Variants in ATRNL1 observed in about 807,000 individuals in gnomAD.
ATRNL1 encodes attractin-like protein 1.
Under a neutral mutation model 182.7 loss-of-function variants are expected in ATRNL1, and 95 were observed. The ratio of observed to expected loss-of-function variants is 0.52; its 90% CI spans 0.44 to 0.62. The LOEUF (loss-of-function observed/expected upper bound fraction) is 0.62, where lower values mean the gene tolerates loss of function less well. ATRNL1 is among the 20% of genes least tolerant of loss of function. The pLI is 0.00. For synonymous variants in ATRNL1, 576 were observed against 568.3 expected (o/e 1.01, Z -0.19); for missense variants, 1,471 against 1,679.5 (o/e 0.88, Z 2.17).
At chr10:115,777,287 T>A (rs1657262628) in intron 27 of ATRNL1, among the ~76,000 whole-genome samples, 1 of 152,200 alleles carries the variant, frequency 6.6e-6, no homozygotes, top group South Asian at 2.1e-4. Flanking sequence ...TTTAAAATTG[T>A]TACTAGTTTT....
In ATRNL1 at chr10:115,508,590, A is replaced by G. The variant is rs1850231605; in HGVS notation, c.3655-10673A>G. On this transcript the variant is annotated intron_variant, in intron 24 of 28. Transcript: ENST00000355044. ...CATAAGAAAATGAAATAGCCTTTTTAATGATATGGAGAAAGTTTTAGTTGT... is the reference window on the plus strand; with the variant it reads ...CATAAGAAAATGAAATAGCCTTTTTGATGATATGGAGAAAGTTTTAGTTGT... 2.6e-5 allele frequency among the ~76,000 whole-genome samples: 4 copies of G among 152,026 alleles called. No individual in the cohort carries two copies. The South Asian group carries it at 6.2e-4, about 24-fold the overall frequency.
At chr10:115,813,573 T>G (rs1950097244) in intron 27 of ATRNL1, among the ~76,000 whole-genome samples, 1 of 152,208 alleles carries the variant, frequency 6.6e-6, no homozygotes, top group Admixed American at 6.6e-5. Flanking sequence ...CTTGGTATCC[T>G]TATGAAACAA....
At chr10:115,663,552 A>C (rs1412272906) in intron 26 of ATRNL1, among the ~76,000 whole-genome samples, 1 of 151,732 alleles carries the variant, frequency 6.6e-6, no homozygotes, top group Non-Finnish European at 1.5e-5. Flanking sequence ...TATGAGTAAA[A>C]TAGTGAGTGA....
chr10:115,937,259 T>A (rs1027834279), intron 28 of ATRNL1, among the ~76,000 whole-genome samples: 2 of 152,206 alleles, frequency 1.3e-5, no homozygotes, highest in African/African-American at 4.8e-5. Flanking sequence ...TATTATGATA[T>A]GTTAAAGGCC....
chr10:115,737,310 A>G (rs1347940559), intron 27 of ATRNL1, among the ~76,000 whole-genome samples: 3 of 149,890 alleles, frequency 2.0e-5, no homozygotes, highest in Non-Finnish European at 4.4e-5. Context: ...GGTGGCATGC[A>G]TCTATGGTTC....
intron 1 of ATRNL1, among the ~76,000 whole-genome samples, chr10:115,118,328 G>A (rs1229747971): frequency 1.3e-5 from 2 of 151,884 alleles, no homozygotes; most frequent in African/African-American, 4.8e-5. Context: ...AGTTTCATAT[G>A]CTTAACTACC....
At chr10:115,178,958 G>T (rs1554887340) in intron 8 of ATRNL1, among the ~76,000 whole-genome samples, 1 of 151,504 alleles carries the variant, frequency 6.6e-6, no homozygotes, top group East Asian at 1.9e-4. Flanking sequence ...TTTCTAAGAA[G>T]TTTTAGAGGA....
At chr10:115,806,271 TAGAC>T (rs1949918182) in intron 27 of ATRNL1, among the ~76,000 whole-genome samples, 1 of 152,158 alleles carries the variant, frequency 6.6e-6, no homozygotes, top group East Asian at 1.9e-4. Context: ...ATAAATTTTT[TAGAC>T]AGACTATTGA....
intron 27 of ATRNL1, among the ~76,000 whole-genome samples, chr10:115,840,977 G>A (rs1216492326): frequency 1.3e-5 from 2 of 152,126 alleles, no homozygotes; most frequent in African/African-American, 4.8e-5. Context: ...CATACATCAA[G>A]TATAGTGGTT....
At chr10:115,544,074 A>G (rs2133794996) in intron 25 of ATRNL1, among the ~76,000 whole-genome samples, 1 of 152,210 alleles carries the variant, frequency 6.6e-6, no homozygotes, top group Non-Finnish European at 1.5e-5. Context: ...CTTTTGCATA[A>G]TGTGATAGGA....
intron 28 of ATRNL1, among the ~76,000 whole-genome samples, chr10:115,856,449 A>AAAAAAAAAAAAAAAAAAAAAAAAAAAC (rs1565439910): frequency 6.8e-6 from 1 of 147,860 alleles, no homozygotes; most frequent in African/African-American, 2.5e-5. Flanking sequence ...AAAAAAAAAA[A>AAAAAAAAAAAAAAAAAAAAAAAAAAAC]AGCCATACAT....
intron 27 of ATRNL1, among the ~76,000 whole-genome samples, chr10:115,809,258 G>A (rs1307591633): frequency 1.3e-5 from 2 of 151,984 alleles, no homozygotes; most frequent in Non-Finnish European, 2.9e-5. Flanking sequence ...AAAGTAGTGT[G>A]AAGCCTCCAA....
chr10:115,205,594 T>C (rs565002102), intron 8 of ATRNL1, among the ~76,000 whole-genome samples: 1 of 152,024 alleles, frequency 6.6e-6, no homozygotes, highest in Non-Finnish European at 1.5e-5. Context: ...TAGTATTCCA[T>C]TTTAATCTTA....
chr10:115,270,689 G>A (rs1402654852), intron 13 of ATRNL1, among the ~76,000 whole-genome samples: 1 of 151,790 alleles, frequency 6.6e-6, no homozygotes, highest in East Asian at 1.9e-4. Flanking sequence ...TGTTCTTTCA[G>A]GCCCTCAATT....
At chr10:115,772,550 C>A (rs1949017211) in intron 27 of ATRNL1, among the ~76,000 whole-genome samples, 1 of 148,484 alleles carries the variant, frequency 6.7e-6, no homozygotes, top group African/African-American at 2.5e-5. Context: ...ATTCAATATT[C>A]TGTATATATA....
At chr10:115,408,372 CTT>C (rs1349343010) in intron 20 of ATRNL1, among the ~76,000 whole-genome samples, 3 of 152,090 alleles carry the variant, frequency 2.0e-5, no homozygotes, top group Non-Finnish European at 4.4e-5. Context: ...TTTTGTATGT[CTT>C]GTTTTGAGAA....
chr10:115,935,603 T>A (rs1953532821), intron 28 of ATRNL1, among the ~76,000 whole-genome samples: 1 of 152,154 alleles, frequency 6.6e-6, no homozygotes, highest in South Asian at 2.1e-4. Context: ...TCACCAGCTG[T>A]GTGGGCATAA....
intron 19 of ATRNL1, among the ~76,000 whole-genome samples, chr10:115,371,360 C>G: frequency 6.6e-6 from 1 of 152,124 alleles, no homozygotes; most frequent in East Asian, 1.9e-4. Flanking sequence ...TTGGAAAAGC[C>G]ACAGACACTC....
At chr10:115,653,470 ATC>A (rs1237119038) in intron 26 of ATRNL1, among the ~76,000 whole-genome samples, 1 of 152,044 alleles carries the variant, frequency 6.6e-6, no homozygotes, top group Non-Finnish European at 1.5e-5. Flanking sequence ...TGTTTTCTAG[ATC>A]TGTTTGCAAA....
Sources: allele counts gnomAD v4.1 joint callset (sites outside exome capture counted in the v4.1 genomes callset), GRCh38; gene constraint gnomAD v4.1.1; transcripts MANE v1.5; gene names NCBI Gene and HGNC (gene_info 2026-07-23, HGNC 2026-07-21).